The following CDKAL1 variants were observed in gnomAD, a reference collection of about 807,000 sequenced individuals.
The protein encoded by CDKAL1 is CDKAL1 threonylcarbamoyladenosine tRNA methylthiotransferase.
Under a neutral mutation model 68.2 loss-of-function variants are expected in CDKAL1, and 32 were observed. The observed-to-expected ratio is 0.47, with a 90% CI of 0.35 to 0.63. CDKAL1 has a LOEUF of 0.63. Among genes scored for constraint, CDKAL1 ranks in the 30% least tolerant of loss-of-function variants. CDKAL1 has a pLI of 0.00. For synonymous variants in CDKAL1, 234 were observed against 244.3 expected (o/e 0.96, Z 0.39); for missense variants, 606 against 696.7 (o/e 0.87, Z 1.47).
At chr6:20,973,194 T>G (rs1316967722) in intron 10 of CDKAL1, among the ~76,000 whole-genome samples, 1 of 152,126 alleles carries the variant, frequency 6.6e-6, no homozygotes. Flanking sequence ...GTCTGGCACA[T>G]AAAAGGTGCT....
At chr6:21,128,779 T>C (rs370434005) in intron 13 of CDKAL1, among the ~76,000 whole-genome samples, 1 of 152,288 alleles carries the variant, frequency 6.6e-6, no homozygotes, top group Non-Finnish European at 1.5e-5. Context: ...AGAAAGTATA[T>C]CATTCAAGAG....
chr6:20,724,875 C>A (rs1267633597), intron 5 of CDKAL1, among the ~76,000 whole-genome samples: 1 of 152,182 alleles, frequency 6.6e-6, no homozygotes, highest in Non-Finnish European at 1.5e-5. Flanking sequence ...ATCTCATAAA[C>A]CTTATCCCTT....
chr6:21,016,695 C>T (rs759949643), intron 11 of CDKAL1, among the ~76,000 whole-genome samples: 2 of 152,020 alleles, frequency 1.3e-5, no homozygotes, highest in Non-Finnish European at 2.9e-5. Flanking sequence ...TCCTCAGGCA[C>T]ACATCCAAAC....
At chr6:20,551,611 C>T (rs1342431270) in intron 4 of CDKAL1, among the ~76,000 whole-genome samples, 1 of 152,020 alleles carries the variant, frequency 6.6e-6, no homozygotes, top group African/African-American at 2.4e-5. Flanking sequence ...ACCTCGTGAT[C>T]CACCCGCCTC....
chr6:20,925,556 T>G (rs1349446165), intron 9 of CDKAL1, among the ~76,000 whole-genome samples: 1 of 152,130 alleles, frequency 6.6e-6, no homozygotes, highest in Non-Finnish European at 1.5e-5. Flanking sequence ...ATTTTACATT[T>G]TTACTTCTCA....
chr6:20,896,463 C>G (rs186083169), intron 9 of CDKAL1, among the ~76,000 whole-genome samples: 1 of 152,076 alleles, frequency 6.6e-6, no homozygotes, highest in Non-Finnish European at 1.5e-5. Context: ...GATAAGAAAT[C>G]TTGACCAAAA....
At chr6:20,801,381 G>A (rs1467621421) in intron 8 of CDKAL1, among the ~76,000 whole-genome samples, 1 of 152,098 alleles carries the variant, frequency 6.6e-6, no homozygotes, top group Non-Finnish European at 1.5e-5. Context: ...CAGCAAAGTC[G>A]AAAAAATTTT....
chr6:20,774,951 G>A (rs1775108394), intron 7 of CDKAL1, among the ~76,000 whole-genome samples: 1 of 152,158 alleles, frequency 6.6e-6, no homozygotes, highest in Non-Finnish European at 1.5e-5. Flanking sequence ...ACAACTCAGA[G>A]AGATGTTTAT....
rs150385173 is a variant in CDKAL1, at chr6:20,859,295, T to TA, written c.742+13127dup. On this transcript the variant is annotated intron_variant, in intron 9 of 15. Transcript: ENST00000274695. Reference sequence around the variant, plus strand: ...CCTGACTCAGAAAAAATAAAAAACTTAAAAAAAAAAGAAAAAAAATGGTGT... The same window carrying TA: ...CCTGACTCAGAAAAAATAAAAAACTTAAAAAAAAAAAGAAAAAAAATGGTGT... 9.3e-3 allele frequency among the ~76,000 whole-genome samples: 1,376 copies of TA among 147,442 alleles called. 23 individuals carry two copies. Among genetic ancestry groups the TA allele is most frequent in the African/African-American group, 0.031 (1,246 of 40,180 alleles).
At chr6:21,225,408 G>A (rs9466006) in intron 15 of CDKAL1, among the ~76,000 whole-genome samples, 25,341 of 152,082 alleles carry the variant, frequency 0.17, 2,272 homozygotes, top group Non-Finnish European at 0.18. Flanking sequence ...TAGTGAGGAG[G>A]TGCAAGGCAG....
intron 9 of CDKAL1, among the ~76,000 whole-genome samples, chr6:20,935,714 G>A (rs1408505848): frequency 1.3e-5 from 2 of 152,178 alleles, no homozygotes; most frequent in Non-Finnish European, 2.9e-5. Context: ...ACAGGTATGA[G>A]CCACCATGCC....
rs1368254136 is a variant in CDKAL1, at chr6:20,740,412, TTGAC to T, written c.468+801_468+804del. On this transcript the variant is annotated intron_variant, in intron 6 of 15. Coordinates refer to ENST00000274695, the MANE Select transcript of CDKAL1 (RefSeq NM_017774.3). The stretch of plus-strand genomic sequence containing the variant: ...CTTGTTCTTTGTAGTCAATTACTCT[TTGAC>T]TGAGTAAAAATGCCCTGAAGTAGCT... Among the ~76,000 whole-genome samples, 14 of 152,300 alleles carry T rather than the reference TTGAC, an allele frequency of 9.2e-5. No homozygotes were observed. In the East Asian group the frequency reaches 1.9e-3, roughly 21 times the overall value.
intron 15 of CDKAL1, among the ~76,000 whole-genome samples, chr6:21,227,066 T>A (rs1438260575): frequency 6.6e-6 from 1 of 152,238 alleles, no homozygotes; most frequent in East Asian, 1.9e-4. Context: ...CTTTGAGCGA[T>A]GCAGATATGT....
chr6:21,211,650 G>T (rs75902989), intron 15 of CDKAL1, among the ~76,000 whole-genome samples: 27,729 of 152,110 alleles, frequency 0.18, 2,681 homozygotes, highest in African/African-American at 0.2. Context: ...CATCCACATG[G>T]CCCTGTCTAA....
chr6:21,143,264 A>G (rs1300974385), intron 13 of CDKAL1, among the ~76,000 whole-genome samples: 1 of 152,234 alleles, frequency 6.6e-6, no homozygotes, highest in Non-Finnish European at 1.5e-5. Context: ...AAAGTTAGAA[A>G]CACACACAGT....
chr6:20,722,484 T>G (rs545026693), intron 5 of CDKAL1: 1 of 314,300 alleles, frequency 3.2e-6, no homozygotes, highest in Admixed American at 3.6e-5. Flanking sequence ...TTTTACAGAA[T>G]TCCAGAAAAT....
intron 13 of CDKAL1, among the ~76,000 whole-genome samples, chr6:21,195,477 T>TATTTA (rs552137129): frequency 3.4e-5 from 4 of 118,584 alleles, no homozygotes; most frequent in African/African-American, 6.3e-5. Context: ...GAGATGTTTT[T>TATTTA]TTTATTTATT....
At chr6:20,816,122 C>A (rs1008443678) in intron 8 of CDKAL1, among the ~76,000 whole-genome samples, 9 of 8,290 alleles carry the variant, frequency 1.1e-3, no homozygotes, top group African/African-American at 3.6e-3. Context: ...TTAATATGTC[C>A]CCCCCCCCGC....
intron 9 of CDKAL1, among the ~76,000 whole-genome samples, chr6:20,898,681 A>T (rs991439728): frequency 2.0e-5 from 3 of 152,180 alleles, no homozygotes; most frequent in Non-Finnish European, 4.4e-5. Context: ...CTGATAAACC[A>T]AACATTACTT....
Sources: gnomAD v4.1 joint callset for allele counts (sites outside exome capture counted in the v4.1 genomes callset) on GRCh38, gnomAD v4.1.1 for gene constraint, MANE v1.5 for transcripts, NCBI Gene and HGNC (gene_info 2026-07-23, HGNC 2026-07-21) for gene names.